The following RGS10 variants were observed in gnomAD, a reference collection of about 807,000 sequenced individuals.
RGS10 encodes regulator of G-protein signalling 10.
In RGS10, 11 loss-of-function variants were observed where a neutral mutation model predicts 23.5. The observed-to-expected ratio is 0.47, with a 90% CI of 0.29 to 0.77. RGS10 has a LOEUF of 0.77. Among genes scored for constraint, RGS10 ranks in the 30% least tolerant of loss-of-function variants. The probability of loss-of-function intolerance (pLI) is 0.08; values close to 1 mark genes in which losing one functional copy is unlikely to be tolerated. For missense variants in RGS10, 180 were observed against 226.3 expected (o/e 0.80, Z 1.31); for synonymous variants, 77 against 83.2 (o/e 0.92, Z 0.41).
intron 2 of RGS10, among the ~76,000 whole-genome samples, 195 bp from the exon 3 acceptor site, chr10:119,526,313 T>G (rs1330688437): frequency 6.6e-6 from 1 of 152,240 alleles, no homozygotes. Context: ...GCATTTGACC[T>G]TAATGGTTTT....
chr10:119,536,493 T>C, intron 1 of RGS10: 1 of 1,611,880 alleles, frequency 6.2e-7, no homozygotes, highest in East Asian at 2.2e-5. Flanking sequence ...ACCTGAGAAG[T>C]TCCACGCAGA....
intron 3 of RGS10, among the ~76,000 whole-genome samples, chr10:119,519,472 CCCCAGCTCCTGTCTCCCTGTCT>C (rs1844186942): frequency 7.6e-6 from 1 of 131,872 alleles, no homozygotes; most frequent in African/African-American, 2.9e-5. Context: ...TGTATCTGTC[CCCCAGCTCCTGTCTCCCTGTCT>C]CCCAGCTCCT....
intron 1 of RGS10, among the ~76,000 whole-genome samples, chr10:119,530,862 A>G (rs1427249280): frequency 6.6e-6 from 1 of 152,222 alleles, no homozygotes; most frequent in African/African-American, 2.4e-5. Context: ...CCAGAAACCC[A>G]GCAGGGACCA....
chr10:119,522,618 T>C lies in RGS10; in HGVS notation c.255+3414A>G, dbSNP rs1452727844. Among the ~76,000 whole-genome samples, 6 of 150,758 alleles carry C rather than the reference T, an allele frequency of 4.0e-5. No homozygotes were observed. The Admixed American group carries it at 4.0e-4, about 10-fold the overall frequency. ...CTGTAATCCCAGCTACTCAGTAGGC[T>C]GAGGCAGAAGAATCACTTGAACCCG... On this transcript the variant is annotated intron_variant, in intron 3 of 4. Coordinates refer to ENST00000369103, the MANE Select transcript of RGS10 (RefSeq NM_001005339.2).
chr10:119,508,188 C>T lies in RGS10; in HGVS notation c.399+7321G>A, dbSNP rs555431761. On this transcript the variant is annotated intron_variant, in intron 4 of 4. Coordinates refer to ENST00000369103, the MANE Select transcript of RGS10 (RefSeq NM_001005339.2). ...AATTTTTTTGTATTATTCGTAGAGACGAAGTTTCACCATGTTGGCCAGGCT... is the reference window on the plus strand; with the variant it reads ...AATTTTTTTGTATTATTCGTAGAGATGAAGTTTCACCATGTTGGCCAGGCT... Among the ~76,000 whole-genome samples the T allele has an allele frequency of 9.2e-5, 14 of 152,160 alleles. No individual in the cohort carries two copies. The South Asian group carries it at 2.7e-3, about 29-fold the overall frequency.
intron 1 of RGS10, among the ~76,000 whole-genome samples, chr10:119,539,691 C>T (rs544118352): frequency 7.9e-5 from 12 of 152,264 alleles, no homozygotes; most frequent in African/African-American, 2.9e-4. Context: ...ACGGGTGGAA[C>T]ACACTTTGAG....
Position 119,527,549 on chromosome 10 carries a change from C to G in RGS10, c.50-125G>C. 4.1e-6 allele frequency: 3 copies of G among 734,834 alleles called. No homozygotes were observed. Among genetic ancestry groups the G allele is most frequent in the Non-Finnish European group, 7.2e-6 (3 of 414,100 alleles). 45.5% of individuals were successfully genotyped at this position (734,834 alleles called of 1,614,324 possible). ...CATACACCGACTTATGCGTCAGGCT[C>G]TGTTCTAGGTGCTTAACATGATGGA... On this transcript the variant is annotated intron_variant, in intron 1 of 4. Transcript: ENST00000369103. This position sits in a 1 kb window ranked among gnomAD's most constrained non-coding sequence, Gnocchi z 4.2.
chr10:119,529,212 G>C (rs1449801418), intron 1 of RGS10, among the ~76,000 whole-genome samples: 1 of 152,174 alleles, frequency 6.6e-6, no homozygotes, highest in Admixed American at 6.5e-5. Context: ...TAGCACTTTA[G>C]GGGGCTGAGG....
chr10:119,518,285 T>C (rs1844169265), intron 3 of RGS10, among the ~76,000 whole-genome samples: 1 of 152,116 alleles, frequency 6.6e-6, no homozygotes, highest in Non-Finnish European at 1.5e-5. Flanking sequence ...ACCTGAAGTG[T>C]CCAGCATCTG....
At chr10:119,528,335 A>G (rs987828275) in intron 1 of RGS10, among the ~76,000 whole-genome samples, 2 of 152,146 alleles carry the variant, frequency 1.3e-5, no homozygotes, top group Non-Finnish European at 2.9e-5. Context: ...CCAGTTCCTC[A>G]GGCAATACTT....
chr10:119,533,189 G>A (rs899566716), intron 1 of RGS10, among the ~76,000 whole-genome samples: 3 of 151,730 alleles, frequency 2.0e-5, no homozygotes, highest in Non-Finnish European at 2.9e-5. Flanking sequence ...AAAATTAGCC[G>A]GGCATGGTGG....
At chr10:119,531,946 T>C (rs1346511371) in intron 1 of RGS10, among the ~76,000 whole-genome samples, 1 of 152,190 alleles carries the variant, frequency 6.6e-6, no homozygotes, top group Non-Finnish European at 1.5e-5. Flanking sequence ...TCAGAAAGTA[T>C]GCCAAGATGG....
chr10:119,542,561 C>G, intron 1 of RGS10, 29 bp downstream of exon 1: 1 of 1,385,106 alleles, frequency 7.2e-7, no homozygotes, highest in Non-Finnish European at 9.3e-7. Context: ...GCCCCGACCC[C>G]GAGCCCGCGG....
chr10:119,515,126 C>G (rs753685078), intron 4 of RGS10, among the ~76,000 whole-genome samples: 2 of 152,150 alleles, frequency 1.3e-5, no homozygotes, highest in Non-Finnish European at 2.9e-5. Flanking sequence ...ACAGAAACAG[C>G]CTGCCACTTT....
At chr10:119,523,920 C>T (rs895533435) in intron 3 of RGS10, among the ~76,000 whole-genome samples, 4 of 152,278 alleles carry the variant, frequency 2.6e-5, no homozygotes, top group South Asian at 2.1e-4. Context: ...GCCCTGCCAG[C>T]CTGAAGCACA....
chr10:119,531,087 A>G (rs1481523653), intron 1 of RGS10, among the ~76,000 whole-genome samples: 1 of 152,198 alleles, frequency 6.6e-6, no homozygotes, highest in Admixed American at 6.5e-5. Context: ...CTTTCCAACA[A>G]AGTATAAATC....
intron 3 of RGS10, among the ~76,000 whole-genome samples, chr10:119,519,619 GTA>G (rs768792137): frequency 0.038 from 2,724 of 71,488 alleles, 171 homozygotes; most frequent in Middle Eastern, 0.053. Flanking sequence ...CTGTCTCCCT[GTA>G]TCTGTCTCCC....
chr10:119,519,598 T>C (rs200073704), intron 3 of RGS10, among the ~76,000 whole-genome samples: 1,410 of 103,414 alleles, frequency 0.014, 103 homozygotes, highest in East Asian at 0.029. Context: ...TCCCTATCTG[T>C]CCCCCAGCTC....
Position 119,524,191 on chromosome 10 carries a change from A to G in RGS10, c.255+1841T>C, listed in dbSNP as rs1016573874. Among the ~76,000 whole-genome samples, 2 of 152,104 alleles carry G rather than the reference A, an allele frequency of 1.3e-5. No homozygotes were observed. Among genetic ancestry groups the G allele is most frequent in the Non-Finnish European group, 2.9e-5 (2 of 68,010 alleles). ...TCCCCTTGAGGTGCCCGTTCCCTGG[A>G]GCCGCTCACCTGTCCTGTCCCTGGG... On this transcript the variant is annotated intron_variant, in intron 3 of 4. Transcript: ENST00000369103. The surrounding 1 kb of genome is among the most constrained non-coding windows in gnomAD (Gnocchi z 5.2).
Sources: allele counts gnomAD v4.1 joint callset (sites outside exome capture counted in the v4.1 genomes callset), GRCh38; gene constraint gnomAD v4.1.1; non-coding constraint Gnocchi (gnomAD v3.1); transcripts MANE v1.5; gene names NCBI Gene and HGNC (gene_info 2026-07-23, HGNC 2026-07-21).